Variants in GPC6 observed in about 807,000 individuals in gnomAD.
GPC6 encodes glypican-6.
In GPC6, 14 loss-of-function variants were observed where a neutral mutation model predicts 55.2. The ratio of observed to expected loss-of-function variants is 0.25; its 90% confidence interval spans 0.17 to 0.40. GPC6 has a LOEUF of 0.40. Among genes scored for constraint, GPC6 ranks in the 10% least tolerant of loss-of-function variants. The probability of loss-of-function intolerance (pLI) is 1.00; values close to 1 mark genes in which losing one functional copy is unlikely to be tolerated. For synonymous variants in GPC6, 278 were observed against 259.6 expected (o/e 1.07, Z -0.68); for missense variants, 641 against 708.5 (o/e 0.90, Z 1.08).
At chr13:93,627,939 A>G (rs891571119) in intron 2 of GPC6, among the ~76,000 whole-genome samples, 2 of 152,166 alleles carry the variant, frequency 1.3e-5, no homozygotes, top group African/African-American at 4.8e-5. Flanking sequence ...TGTAGTAGGG[A>G]TCATTTTAAG....
intron 4 of GPC6, among the ~76,000 whole-genome samples, chr13:94,220,302 C>A (rs1238896027): frequency 1.3e-5 from 2 of 152,106 alleles, no homozygotes; most frequent in Non-Finnish European, 2.9e-5. Flanking sequence ...AGTACCATCA[C>A]CCTTCATCAT....
chr13:93,304,066 C>G (rs1042672489), intron 1 of GPC6, among the ~76,000 whole-genome samples: 12 of 151,956 alleles, frequency 7.9e-5, no homozygotes, highest in African/African-American at 2.9e-4. Flanking sequence ...CGGGATTTCA[C>G]CATGTTGGCC....
chr13:94,393,184 T>G (rs1005785262), intron 7 of GPC6, among the ~76,000 whole-genome samples: 11 of 152,172 alleles, frequency 7.2e-5, no homozygotes, highest in Admixed American at 7.2e-4. Context: ...TCAGAATCCA[T>G]AACTTCTTAG....
intron 1 of GPC6, among the ~76,000 whole-genome samples, chr13:93,231,300 T>C (rs1268780122): frequency 1.4e-5 from 2 of 145,146 alleles, no homozygotes. Flanking sequence ...GCAAAATCTA[T>C]TCTTTCCTCA....
chr13:93,490,158 T>C (rs1055674841), intron 1 of GPC6, among the ~76,000 whole-genome samples: 1 of 151,524 alleles, frequency 6.6e-6, no homozygotes, highest in Non-Finnish European at 1.5e-5. Context: ...ACCTAATTTA[T>C]TGAGAGTTTT....
intron 2 of GPC6, among the ~76,000 whole-genome samples, chr13:93,765,289 G>GCTGTCTGGAAAGACAACTTTCCAGATAAA (rs1885089483): frequency 2.7e-4 from 31 of 115,878 alleles, no homozygotes; most frequent in Admixed American, 9.9e-4. Flanking sequence ...TTCCAGATAA[G>GCTGTCTGGAAAGACAACTTTCCAGATAAA]CTGTCTGGAA....
At chr13:94,092,378 A>G (rs893658007) in intron 4 of GPC6, among the ~76,000 whole-genome samples, 2 of 152,066 alleles carry the variant, frequency 1.3e-5, no homozygotes, top group African/African-American at 4.8e-5. Flanking sequence ...TATAAGTGAG[A>G]TCATGCAGTA....
chr13:93,519,551 C>T (rs1881328304), intron 1 of GPC6, among the ~76,000 whole-genome samples: 1 of 151,994 alleles, frequency 6.6e-6, no homozygotes, highest in Admixed American at 6.6e-5. Flanking sequence ...CTTTAATTTG[C>T]ACTTGAGTAG....
chr13:93,534,968 G>A (rs1440859987), intron 1 of GPC6, among the ~76,000 whole-genome samples: 1 of 152,140 alleles, frequency 6.6e-6, no homozygotes, highest in Non-Finnish European at 1.5e-5. Context: ...GTGGCCCTGT[G>A]TCTGCTTTTG....
At chr13:93,400,600 T>C (rs1438578862) in intron 1 of GPC6, among the ~76,000 whole-genome samples, 1 of 152,146 alleles carries the variant, frequency 6.6e-6, no homozygotes, top group Non-Finnish European at 1.5e-5. Flanking sequence ...TAAAAGAGTA[T>C]AATTGGGCTG....
At position 93,563,660 on chromosome 13, in the gene GPC6, AGCATT is replaced by A. The variant is rs1294001254; in HGVS notation, c.319+18240_319+18244del. ...GTTGCAACTAAAGAGTAGCAAGTAT[AGCATT>A]TGAAAGTAGAAATTCTTGAGTCATT... On this transcript the variant is annotated intron_variant, in intron 2 of 8. Coordinates refer to ENST00000377047, the MANE Select transcript of GPC6 (RefSeq NM_005708.5). 1.7e-4 allele frequency among the ~76,000 whole-genome samples: 26 copies of A among 152,206 alleles called. No individual in the cohort carries two copies. The East Asian group carries it at 5.0e-3, about 29-fold the overall frequency.
At chr13:94,395,545 G>T (rs1880857721) in intron 7 of GPC6, among the ~76,000 whole-genome samples, 1 of 152,132 alleles carries the variant, frequency 6.6e-6, no homozygotes, top group African/African-American at 2.4e-5. Context: ...AACACATCAA[G>T]CATAGATTCA....
intron 1 of GPC6, among the ~76,000 whole-genome samples, chr13:93,420,878 A>T (rs1876897584): frequency 6.6e-6 from 1 of 152,090 alleles, no homozygotes; most frequent in Non-Finnish European, 1.5e-5. Context: ...GTTAAGTCCC[A>T]TGAAGACAAT....
Position 93,992,177 on chromosome 13 carries a change from G to GTATATA in GPC6, c.712-35538_712-35533dup, listed in dbSNP as rs143395246. On this transcript the variant is annotated intron_variant, in intron 3 of 8. Transcript: ENST00000377047. ...ATTTTTAGTTTACAGAGATATGTGT[G>GTATATA]TATATATATATATATATATGTGGGT... Among the ~76,000 whole-genome samples the GTATATA allele has an allele frequency of 5.1e-3, 743 of 146,334 alleles. 7 individuals are homozygous for GTATATA. Among genetic ancestry groups the GTATATA allele is most frequent in the African/African-American group, 0.016 (645 of 40,046 alleles).
intron 6 of GPC6, among the ~76,000 whole-genome samples, chr13:94,339,664 A>G (rs1330300545): frequency 6.7e-6 from 1 of 149,432 alleles, no homozygotes; most frequent in Non-Finnish European, 1.5e-5. Context: ...AGTGAGATGT[A>G]GTCCTTTGGC....
Position 93,587,243 on chromosome 13 carries a change from G to C in GPC6, c.319+41822G>C, listed in dbSNP as rs145177707. Among the ~76,000 whole-genome samples, 54 of 152,034 alleles carry C rather than the reference G, an allele frequency of 3.6e-4. No homozygotes were observed. In the East Asian group the frequency reaches 9.1e-3, roughly 26 times the overall value. On this transcript the variant is annotated intron_variant, in intron 2 of 8. Coordinates refer to ENST00000377047, the MANE Select transcript of GPC6 (RefSeq NM_005708.5). ...AGGGATATTATTTACCCCTAATAAA[G>C]TAGAGACATAATATTACTTATTATA...
At chr13:94,115,024 T>C (rs938108970) in intron 4 of GPC6, among the ~76,000 whole-genome samples, 2 of 152,170 alleles carry the variant, frequency 1.3e-5, no homozygotes, top group African/African-American at 4.8e-5. Context: ...AGTAAATGGT[T>C]AAATGTGTGA....
chr13:94,323,064 T>C (rs1048838479), intron 6 of GPC6, among the ~76,000 whole-genome samples: 5 of 152,140 alleles, frequency 3.3e-5, no homozygotes, highest in Non-Finnish European at 7.4e-5. Context: ...CCTGCATCCA[T>C]GTGGTCCAAA....
chr13:93,251,731 T>G (rs1876792998), intron 1 of GPC6, among the ~76,000 whole-genome samples: 1 of 152,174 alleles, frequency 6.6e-6, no homozygotes, highest in Non-Finnish European at 1.5e-5. Context: ...TTCCTATTCC[T>G]TGTTCAGCAA....
Sources: gnomAD v4.1 joint callset for allele counts (sites outside exome capture counted in the v4.1 genomes callset) on GRCh38, gnomAD v4.1.1 for gene constraint, MANE v1.5 for transcripts, NCBI Gene and HGNC (gene_info 2026-07-23, HGNC 2026-07-21) for gene names.